Variants in GRID2IP observed in about 807,000 individuals in gnomAD.
The protein encoded by GRID2IP is Grid2 interacting protein, also known as delphilin.
In GRID2IP, 78 loss-of-function variants were observed where a neutral mutation model predicts 114.3. The ratio of observed to expected loss-of-function variants is 0.68; its 90% CI spans 0.57 to 0.82. GRID2IP has a LOEUF of 0.82. Among genes scored for constraint, GRID2IP ranks in the 40% least tolerant of loss-of-function variants. The pLI is 0.00. For missense variants in GRID2IP, 1,727 were observed against 1,678.5 expected (o/e 1.03, Z -0.51); for synonymous variants, 809 against 724.0 (o/e 1.12, Z -1.89).
chr7:6,513,901 T>A (rs956980320), intron 8 of GRID2IP, among the ~76,000 whole-genome samples: 1 of 131,384 alleles, frequency 7.6e-6, no homozygotes, highest in Non-Finnish European at 1.5e-5. Context: ...TGAGCCATGA[T>A]GGCACCACGA....
In GRID2IP at chr7:6,521,157, G is replaced by C. The variant is rs1459603143; in HGVS notation, c.1084+272C>G. Among the ~76,000 whole-genome samples, 4 of 152,154 alleles carry C rather than the reference G, an allele frequency of 2.6e-5. No homozygotes were observed. The highest frequency in any genetic ancestry group is 9.7e-5 in the African/African-American group (4 of 41,442). On this transcript the variant is annotated intron_variant, in intron 6 of 21. Coordinates refer to ENST00000457091, the MANE Select transcript of GRID2IP (RefSeq NM_001145118.2). This position sits in a 1 kb window ranked among gnomAD's most constrained non-coding sequence, Gnocchi z 4.1. The stretch of plus-strand genomic sequence containing the variant: ...AGCTAGTTTTTGTATTTTTAGTAGA[G>C]ACAGAGTTGTGCCATGTTGCTCAGA...
In GRID2IP at chr7:6,506,833, C is replaced by T. The variant is rs73344937; in HGVS notation, c.2545-926G>A. ...AGTAGCTGGGACCACAGGCATGCAC[C>T]ACCAGGTCTGGCTAACTTTTTGATT... On this transcript the variant is annotated intron_variant, in intron 13 of 21. Transcript: ENST00000457091. This position sits in a 1 kb window ranked among gnomAD's most constrained non-coding sequence, Gnocchi z 5.2. Among the ~76,000 whole-genome samples, 1,866 of 152,192 alleles carry T rather than the reference C, an allele frequency of 0.012. 41 individuals carry two copies. The highest frequency in any genetic ancestry group is 0.042 in the African/African-American group (1,752 of 41,484).
intron 7 of GRID2IP, among the ~76,000 whole-genome samples, chr7:6,514,797 T>C (rs1055390064): frequency 6.6e-6 from 1 of 151,286 alleles, no homozygotes; most frequent in Non-Finnish European, 1.5e-5. Flanking sequence ...ACTGAAAGTA[T>C]AAAAATTAGT....
In GRID2IP at chr7:6,510,639, C is replaced by G. The variant is rs370926313; in HGVS notation, c.1623G>C (p.Thr541=). ...IPGERQAGDG[T]SLPETPNPKM... ...TGGGGTTGGGGGTCTCAGGGAGGGA[C>G]GTGCCGTCGCCTGCCTGGCGCTCGC... Residue 541 remains threonine (T), a synonymous_variant, in exon 10 of 22, where the codon ACG becomes ACC. Transcript: ENST00000457091. The G allele has an allele frequency of 1.7e-5, 26 of 1,536,858 alleles. No individual in the cohort carries two copies. Among genetic ancestry groups the G allele is most frequent in the Non-Finnish European group, 6.1e-6 (7 of 1,142,326 alleles).
rs990768287 is a variant in GRID2IP, at chr7:6,510,551, T to C, written c.1653+58A>G. On this transcript the variant is annotated intron_variant, in intron 10 of 21. Coordinates refer to ENST00000457091, the MANE Select transcript of GRID2IP (RefSeq NM_001145118.2). ...CCTGGGTCTCCTGGGCCCAGTCCTA[T>C]GGACCGTCCATTCCCTGCCCCCTAC... The C allele has an allele frequency of 3.1e-4, 431 of 1,399,602 alleles. 4 individuals carry two copies. The East Asian group carries it at 0.011, about 35-fold the overall frequency. 86.7% of individuals were successfully genotyped at this position (1,399,602 alleles called of 1,614,324 possible).
In GRID2IP at chr7:6,520,968, G is replaced by C. The variant is rs535754566; in HGVS notation, c.1085-207C>G. 6.6e-6 allele frequency among the ~76,000 whole-genome samples: 1 copy of C among 151,968 alleles called. No individual in the cohort carries two copies. Among genetic ancestry groups the C allele is most frequent in the Non-Finnish European group, 1.5e-5 (1 of 67,974 alleles). On this transcript the variant is annotated intron_variant, in intron 6 of 21. Transcript: ENST00000457091. This position sits in a 1 kb window ranked among gnomAD's most constrained non-coding sequence, Gnocchi z 4.6. The stretch of plus-strand genomic sequence containing the variant: ...AAGGGTCCCTAAGGCTATACACTAG[G>C]GTTTTTTGTTTGTTTGTTTTGAGAC...
rs1225076333 is a variant in GRID2IP at position 6,509,263 on chromosome 7, A to AG, written c.1821dup (p.Ser608LeufsTer19). 6.6e-7 allele frequency: 1 copy of AG among 1,525,902 alleles called. No individual in the cohort carries two copies. The highest frequency in any genetic ancestry group is 1.4e-5 in the African/African-American group (1 of 72,366). 94.5% of individuals were successfully genotyped at this position (1,525,902 alleles called of 1,614,324 possible). ...GAACACAGCGGGTGGTAGCAGGGGG[A>AG]GGGCAAGAGTCGCTCGCTGGGCCAT... On this transcript the variant is annotated frameshift_variant, in exon 12 of 22. Transcript: ENST00000457091. LOFTEE classifies it high-confidence loss of function. The surrounding 1 kb of genome is among the most constrained non-coding windows in gnomAD (Gnocchi z 4.9).
rs73674127 is a variant in GRID2IP at position 6,508,345 on chromosome 7, G to A, written c.2184C>T (p.Ser728=). 616 of 1,551,538 alleles carry A rather than the reference G, an allele frequency of 4.0e-4. 4 individuals carry two copies. In the African/African-American group the frequency reaches 7.0e-3, roughly 18 times the overall value. The part of the protein sequence containing the change: ...SFVTNERSSA[S]DCISSSEEGS... ...CTTCTTCACTGCTGCTGATGCAGTC[G>A]CTGGCGCTGCTCCGCTCATTGGTTA... Residue 728 remains serine (S), a synonymous_variant, in exon 13 of 22, where the codon AGC becomes AGT. Transcript: ENST00000457091. This position sits in a 1 kb window ranked among gnomAD's most constrained non-coding sequence, Gnocchi z 5.6.
In GRID2IP at chr7:6,504,428, G is replaced by A. The variant is rs1022618641; in HGVS notation, c.2710+365C>T. Among the ~76,000 whole-genome samples the A allele has an allele frequency of 4.0e-5, 6 of 151,756 alleles. No homozygotes were observed. The East Asian group carries it at 1.2e-3, about 30-fold the overall frequency. On this transcript the variant is annotated intron_variant, in intron 15 of 21. Transcript: ENST00000457091. The stretch of plus-strand genomic sequence containing the variant: ...GGGCAGGGGCGGGCCCTGAAATAGA[G>A]ACGGTCTTTCAGCGACCGATTTAAG...
intron 7 of GRID2IP, 142 bp from the exon 8 acceptor site, chr7:6,514,671 G>A (rs1162566744): frequency 1.6e-5 from 11 of 687,884 alleles, no homozygotes; most frequent in Non-Finnish European, 2.4e-5. Flanking sequence ...AGAAGTGGGG[G>A]CCGGGCACAG....
intron 1 of GRID2IP, among the ~76,000 whole-genome samples, chr7:6,549,645 G>A (rs1238421024): frequency 6.6e-6 from 1 of 152,090 alleles, no homozygotes; most frequent in Admixed American, 6.6e-5. Flanking sequence ...GAGGGGAATG[G>A]AGTCTCACTC....
chr7:6,513,298 T>G (rs1370263145), intron 8 of GRID2IP, among the ~76,000 whole-genome samples: 2 of 151,816 alleles, frequency 1.3e-5, no homozygotes, highest in East Asian at 3.9e-4. Context: ...CACTGCAGCC[T>G]TGATCTCCTG....
In GRID2IP at chr7:6,507,538, C is replaced by A. The variant is rs2115360700; in HGVS notation, c.2544+447G>T. Reference sequence around the variant, plus strand: ...GAGCAAGACAAAGGATGGTTAAAATCGTCCAGTGAGGAAAGGAAGACCTTG... The same window carrying A: ...GAGCAAGACAAAGGATGGTTAAAATAGTCCAGTGAGGAAAGGAAGACCTTG... On this transcript the variant is annotated intron_variant, in intron 13 of 21. Coordinates refer to ENST00000457091, the MANE Select transcript of GRID2IP (RefSeq NM_001145118.2). The surrounding 1 kb of genome is among the most constrained non-coding windows in gnomAD (Gnocchi z 5.3). Among the ~76,000 whole-genome samples, 1 of 152,290 alleles carries A rather than the reference C, an allele frequency of 6.6e-6. No homozygotes were observed. The highest frequency in any genetic ancestry group is 1.5e-5 in the Non-Finnish European group (1 of 68,022).
intron 4 of GRID2IP, among the ~76,000 whole-genome samples, chr7:6,522,395 C>G (rs1406350672): frequency 6.6e-6 from 1 of 152,138 alleles, no homozygotes; most frequent in Non-Finnish European, 1.5e-5. Context: ...CAGGCAGCAT[C>G]AGTACTTCTT....
intron 1 of GRID2IP, among the ~76,000 whole-genome samples, chr7:6,540,591 A>G (rs117780162): frequency 0.42 from 62,956 of 148,492 alleles, 15,124 homozygotes; most frequent in Non-Finnish European, 0.57. Context: ...CTCAATCTTG[A>G]TTCACTGCAA....
intron 19 of GRID2IP, 32 bp downstream of exon 19, chr7:6,501,957 C>T (rs1562510427): frequency 1.3e-6 from 2 of 1,550,778 alleles, no homozygotes; most frequent in Non-Finnish European, 8.7e-7. Context: ...GGACAGCATG[C>T]CTCTGCCTCC....
rs1477849087 is a variant in GRID2IP, at chr7:6,521,981, G to A, written c.920-24C>T. On this transcript the variant is annotated intron_variant, in intron 4 of 21. Coordinates refer to ENST00000457091, the MANE Select transcript of GRID2IP (RefSeq NM_001145118.2). This position sits in a 1 kb window ranked among gnomAD's most constrained non-coding sequence, Gnocchi z 4.1. Reference sequence around the variant, plus strand: ...CCCTGGAAGCAAGAAGAGAGGGTGTGCCGGTCAGCTGGGCAGGGTACCACT... The same window carrying A: ...CCCTGGAAGCAAGAAGAGAGGGTGTACCGGTCAGCTGGGCAGGGTACCACT... The A allele has an allele frequency of 6.5e-7, 1 of 1,543,156 alleles. No homozygotes were observed. Among genetic ancestry groups the A allele is most frequent in the Admixed American group, 2.0e-5 (1 of 50,938 alleles).
In GRID2IP at chr7:6,509,146, G is replaced by A. The variant is rs1050341214; in HGVS notation, c.1939C>T (p.Pro647Ser). The change falls in exon 12 of 22, where the codon CCC becomes TCC. Residue 647 changes from proline to serine, a missense_variant. By Grantham distance (74) the Pro-to-Ser change is moderately conservative. Coordinates refer to ENST00000457091, the MANE Select transcript of GRID2IP (RefSeq NM_001145118.2). The surrounding 1 kb of genome is among the most constrained non-coding windows in gnomAD (Gnocchi z 4.9). Reference protein sequence around the residue: ...RAPSPQPGPGPICPDSPPSPD... With the variant: ...RAPSPQPGPGSICPDSPPSPD... The stretch of plus-strand genomic sequence containing the variant: ...CTTGGGGGGCTGTCGGGGCAGATGG[G>A]CCCGGGGCCTGGCTGTGGGGAGGGT... The A allele has an allele frequency of 6.8e-7, 1 of 1,472,030 alleles. No homozygotes were observed. The highest frequency in any genetic ancestry group is 9.0e-7 in the Non-Finnish European group (1 of 1,111,432). The allele number at this position is 1,472,030 out of a possible 1,614,324, so 91.2% of individuals were successfully genotyped here.
intron 1 of GRID2IP, among the ~76,000 whole-genome samples, 164 bp downstream of exon 1, chr7:6,550,844 A>G (rs1464041983): frequency 6.6e-6 from 1 of 151,788 alleles, no homozygotes; most frequent in African/African-American, 2.4e-5. Context: ...AAAAAATGCA[A>G]AATTGTTTGC....
Sources: gnomAD v4.1 joint callset for allele counts (sites outside exome capture counted in the v4.1 genomes callset) on GRCh38, gnomAD v4.1.1 for gene constraint, Gnocchi (gnomAD v3.1) non-coding constraint, MANE v1.5 for transcripts, NCBI Gene and HGNC (gene_info 2026-07-23, HGNC 2026-07-21) for gene names.